The following MNS1 variants were observed in gnomAD, a reference collection of about 807,000 sequenced individuals.
MNS1 encodes meiosis specific nuclear structural 1, also known as meiosis-specific nuclear structural protein 1.
Under a neutral mutation model 72.0 loss-of-function variants are expected in MNS1, and 63 were observed. That is an observed-to-expected ratio of 0.87 (90% CI 0.71 to 1.08). The LOEUF is 1.08. Ranked by LOEUF, MNS1 falls within the 50% of genes least tolerant of loss-of-function variation. MNS1 has a pLI of 0.00. For synonymous variants in MNS1, 188 were observed against 172.1 expected, an observed-to-expected ratio of 1.09 and a Z score of -0.72; for missense variants, 604 against 562.4, an observed-to-expected ratio of 1.07 and a Z score of -0.75.
At chr15:56,463,781 A>G (rs564069160) in intron 2 of MNS1, 1 of 153,120 alleles carries the variant, frequency 6.5e-6, no homozygotes, top group East Asian at 1.7e-4. Context: ...GACTCCATCC[A>G]AAAAAAAAAA....
chr15:56,440,342 C>A lies in MNS1; in HGVS notation c.1011+3088G>T, dbSNP rs74529162. On this transcript the variant is annotated intron_variant, in intron 7 of 9. Coordinates refer to ENST00000260453, the MANE Select transcript of MNS1 (RefSeq NM_018365.4). ...AAATGCTGGTGAGAATGCAGACAGA[C>A]TGCGTAACTCATATATTTCTGATGG... is the stretch of plus-strand genomic sequence containing the variant. 1.1e-3 allele frequency among the ~76,000 whole-genome samples: 171 copies of A among 152,302 alleles called. 3 individuals are homozygous for A. The East Asian group carries it at 0.026, about 23-fold the overall frequency.
intron 2 of MNS1, among the ~76,000 whole-genome samples, chr15:56,461,987 T>C: frequency 7.3e-6 from 1 of 136,428 alleles, no homozygotes; most frequent in African/African-American, 2.7e-5. Context: ...TTTTTTTTTT[T>C]TTTTTTTTTT....
At chr15:56,460,592 T>A (rs763303618) in intron 2 of MNS1, among the ~76,000 whole-genome samples, 3 of 152,152 alleles carry the variant, frequency 2.0e-5, no homozygotes, top group African/African-American at 4.8e-5. Context: ...AGTAGTCAGG[T>A]GAAGGGTATA....
chr15:56,436,306 T>C (rs1280092321), intron 7 of MNS1, among the ~76,000 whole-genome samples: 1 of 152,124 alleles, frequency 6.6e-6, no homozygotes, highest in Admixed American at 6.6e-5. Context: ...AGAAACTCAC[T>C]CAAAACCGCT....
At chr15:56,464,303 A>G in intron 1 of MNS1, 56 bp from the exon 2 acceptor site, 1 of 1,265,036 alleles carries the variant, frequency 7.9e-7, no homozygotes, top group Non-Finnish European at 1.1e-6. Flanking sequence ...TCTAATTTTA[A>G]AAAATGTATT....
chr15:56,444,745 T>C, intron 4 of MNS1, 72 bp from the exon 5 acceptor site: 1 of 1,212,050 alleles, frequency 8.3e-7, no homozygotes, highest in Non-Finnish European at 1.2e-6. Flanking sequence ...TTTACACCAA[T>C]GTTATTGAAT....
At chr15:56,444,370 C>T in intron 5 of MNS1, 74 bp downstream of exon 5, 2 of 1,285,520 alleles carry the variant, frequency 1.6e-6, no homozygotes, top group Non-Finnish European at 2.1e-6. Context: ...CTAGGTGCTT[C>T]AGTTCCTCAC....
intron 8 of MNS1, 134 bp downstream of exon 8, chr15:56,434,004 A>C (rs900435008): frequency 1.0e-6 from 1 of 971,528 alleles, no homozygotes; most frequent in South Asian, 2.7e-5. Context: ...ATGGTCAGAA[A>C]ATTTATATAT....
chr15:56,437,512 C>T (rs529575820), intron 7 of MNS1, among the ~76,000 whole-genome samples: 275 of 152,238 alleles, frequency 1.8e-3, no homozygotes, highest in Admixed American at 5.8e-3. Context: ...CAATATCATA[C>T]TGAATGGGCA....
At position 56,465,077 on chromosome 15, in the gene MNS1, C is replaced by A. The variant is rs2051050972; in HGVS notation, c.-105G>T. 2.0e-6 allele frequency: 3 copies of A among 1,487,134 alleles called. No individual in the cohort carries two copies. The highest frequency in any genetic ancestry group is 1.4e-5 in the African/African-American group (1 of 70,522). The allele number at this position is 1,487,134 out of a possible 1,614,324, so 92.1% of individuals were successfully genotyped here. A position where few individuals can be genotyped will look rare whatever the true frequency, so the allele number is the denominator to read the frequency against. ...AGGAGCGCACCTGGCTGCGCGCGCT[C>A]GGGTGTTTACGCGGCGTCTTGGCAA... On this transcript the variant is annotated 5_prime_UTR_variant, in exon 1 of 10. Coordinates refer to ENST00000260453, the MANE Select transcript of MNS1 (RefSeq NM_018365.4).
Position 56,465,090 on chromosome 15 carries a change from G to T in MNS1, c.-118C>A. On this transcript the variant is annotated 5_prime_UTR_variant, in exon 1 of 10. Transcript: ENST00000260453. ...GCTGCGCGCGCTCGGGTGTTTACGC[G>T]GCGTCTTGGCAACGGTGGAGCTGCG... 1 of 1,402,712 alleles carries T rather than the reference G, an allele frequency of 7.1e-7. No homozygotes were observed. Among genetic ancestry groups the T allele is most frequent in the Non-Finnish European group, 9.8e-7 (1 of 1,023,236 alleles). 86.9% of individuals were successfully genotyped at this position (1,402,712 alleles called of 1,614,324 possible).
intron 2 of MNS1, 39 bp downstream of exon 2, chr15:56,463,987 A>C: frequency 2.6e-6 from 4 of 1,537,840 alleles, no homozygotes; most frequent in Non-Finnish European, 3.5e-6. Context: ...TCCAAGGTGC[A>C]AAATGAAAAA....
chr15:56,428,915 A>G lies in MNS1; in HGVS notation c.*186T>C, dbSNP rs999471358. Reference sequence around the variant, plus strand: ...ATCGGATTTTGAAATTATCAGTACAAAAATAACAGCTTGATTAAAATTAAT... The same window carrying G: ...ATCGGATTTTGAAATTATCAGTACAGAAATAACAGCTTGATTAAAATTAAT... On this transcript the variant is annotated 3_prime_UTR_variant, in exon 10 of 10. Transcript: ENST00000260453. 7 of 532,760 alleles carry G rather than the reference A, an allele frequency of 1.3e-5. No homozygotes were observed. The highest frequency in any genetic ancestry group is 2.3e-5 in the Non-Finnish European group (7 of 306,358). The allele number at this position is 532,760 out of a possible 1,614,324, so 33.0% of individuals were successfully genotyped here.
intron 9 of MNS1, 67 bp from the exon 10 acceptor site, chr15:56,429,260 T>G: frequency 1.0e-6 from 1 of 1,004,766 alleles, no homozygotes; most frequent in South Asian, 1.4e-5. Context: ...CTTTTAAGAC[T>G]GACAGACATA....
At chr15:56,463,914 TCA>T in intron 2 of MNS1, 110 bp downstream of exon 2, 1 of 844,180 alleles carries the variant, frequency 1.2e-6, no homozygotes, top group Non-Finnish European at 1.8e-6. Flanking sequence ...CAATCAGGCA[TCA>T]CTTACCTGCT....
At chr15:56,458,372 C>A (rs145891899) in intron 2 of MNS1, among the ~76,000 whole-genome samples, 1 of 152,198 alleles carries the variant, frequency 6.6e-6, no homozygotes, top group Non-Finnish European at 1.5e-5. Flanking sequence ...TGTCCCTACA[C>A]ATGCTCAGCT....
chr15:56,442,928 G>C lies in MNS1; in HGVS notation c.1011+502C>G, dbSNP rs537771692. Among the ~76,000 whole-genome samples the C allele has an allele frequency of 9.0e-4, 136 of 151,766 alleles. 1 individual carries two copies. The highest frequency in any genetic ancestry group is 1.5e-3 in the Non-Finnish European group (105 of 67,924). On this transcript the variant is annotated intron_variant, in intron 7 of 9. Transcript: ENST00000260453. ...AGAAAAAGAAAAAAAAAAAAATCTT[G>C]AACTCTGATTGTGGATTTGCCTCTT...
intron 8 of MNS1, among the ~76,000 whole-genome samples, chr15:56,433,662 A>T (rs186959467): frequency 6.6e-6 from 1 of 152,060 alleles, no homozygotes; most frequent in Admixed American, 6.6e-5. Flanking sequence ...TCTACCTTCA[A>T]TGCTCTCACT....
chr15:56,449,939 T>C (rs2050936553), intron 3 of MNS1, among the ~76,000 whole-genome samples: 2 of 152,342 alleles, frequency 1.3e-5, no homozygotes, highest in East Asian at 3.9e-4. Flanking sequence ...GCATTCTCTT[T>C]TACTCTGTCA....
Sources: allele counts gnomAD v4.1 joint callset (sites outside exome capture counted in the v4.1 genomes callset), GRCh38; gene constraint gnomAD v4.1.1; transcripts MANE v1.5; gene names NCBI Gene and HGNC (gene_info 2026-07-23, HGNC 2026-07-21).